The following NRG3 variants were observed in gnomAD, a reference collection of about 807,000 sequenced individuals.
The protein encoded by NRG3 is pro-neuregulin-3, membrane-bound isoform.
In NRG3, 31 loss-of-function variants were observed where a neutral mutation model predicts 66.9. That is an observed-to-expected ratio of 0.46 (90% CI 0.35 to 0.63). The LOEUF (loss-of-function observed/expected upper bound fraction) is 0.63, where lower values mean the gene tolerates loss of function less well. Among genes scored for constraint, NRG3 ranks in the 20% least tolerant of loss-of-function variants. The pLI, the probability that NRG3 is intolerant of heterozygous loss-of-function variation, is 0.00. For missense variants in NRG3, 910 were observed against 878.9 expected (o/e 1.04, Z -0.45); for synonymous variants, 393 against 359.4 (o/e 1.09, Z -1.06).
At chr10:82,780,249 G>T (rs977204183) in intron 3 of NRG3, among the ~76,000 whole-genome samples, 1 of 152,034 alleles carries the variant, frequency 6.6e-6, no homozygotes, top group East Asian at 1.9e-4. Context: ...TAATGGGATT[G>T]CTGGGTTAAA....
chr10:81,967,694 A>G (rs1025357500), intron 1 of NRG3, among the ~76,000 whole-genome samples: 3 of 152,120 alleles, frequency 2.0e-5, no homozygotes, highest in Non-Finnish European at 4.4e-5. Context: ...TGGAAGCTAA[A>G]TTTTTAGTTC....
In NRG3 at chr10:82,027,407, C is replaced by G. The variant is rs527485592; in HGVS notation, c.823+151244C>G. Among the ~76,000 whole-genome samples, 35 of 152,062 alleles carry G rather than the reference C, an allele frequency of 2.3e-4. 2 individuals carry two copies. The South Asian group carries it at 7.3e-3, about 32-fold the overall frequency. On this transcript the variant is annotated intron_variant, in intron 1 of 8. Transcript: ENST00000372141. The stretch of plus-strand genomic sequence containing the variant: ...GCCTACTTTAGACCCTTATGTTATT[C>G]TGAGTTTTTTTCTTCTCCAGGGAAA...
chr10:82,979,450 C>A (rs1852620309), intron 8 of NRG3, among the ~76,000 whole-genome samples: 1 of 152,122 alleles, frequency 6.6e-6, no homozygotes, highest in African/African-American at 2.4e-5. Flanking sequence ...TAAAGTGTTC[C>A]TTCATCTGCA....
chr10:82,558,170 A>G (rs1050515951), intron 2 of NRG3, among the ~76,000 whole-genome samples: 2 of 152,324 alleles, frequency 1.3e-5, no homozygotes, highest in Middle Eastern at 3.4e-3. Flanking sequence ...AGGCACTTCG[A>G]GACTTTCATG....
intron 4 of NRG3, among the ~76,000 whole-genome samples, chr10:82,882,210 A>G (rs1267544484): frequency 6.6e-6 from 1 of 152,114 alleles, no homozygotes; most frequent in Non-Finnish European, 1.5e-5. Flanking sequence ...TATGTGTTCT[A>G]CTGTAACTTT....
At chr10:82,268,097 G>A (rs945431911) in intron 1 of NRG3, among the ~76,000 whole-genome samples, 1 of 152,080 alleles carries the variant, frequency 6.6e-6, no homozygotes, top group Non-Finnish European at 1.5e-5. Context: ...CTTCCCACAC[G>A]TTCTTCTAGA....
intron 2 of NRG3, among the ~76,000 whole-genome samples, chr10:82,583,969 T>C (rs1187805763): frequency 6.6e-6 from 1 of 152,128 alleles, no homozygotes; most frequent in Non-Finnish European, 1.5e-5. Flanking sequence ...CCCTTATTTA[T>C]AAAATAAGGA....
intron 1 of NRG3, among the ~76,000 whole-genome samples, chr10:81,989,224 G>A (rs553884229): frequency 6.6e-6 from 1 of 152,114 alleles, no homozygotes; most frequent in Admixed American, 6.6e-5. Flanking sequence ...GAAAATTAAG[G>A]GTTCTGTTGG....
At chr10:82,317,163 A>C (rs960975559) in intron 1 of NRG3, among the ~76,000 whole-genome samples, 1 of 152,130 alleles carries the variant, frequency 6.6e-6, no homozygotes, top group African/African-American at 2.4e-5. Context: ...AGATTACAGA[A>C]GACAGAGATT....
chr10:82,366,571 C>T (rs1238610017), intron 2 of NRG3, among the ~76,000 whole-genome samples: 1 of 152,012 alleles, frequency 6.6e-6, no homozygotes, highest in Non-Finnish European at 1.5e-5. Context: ...ATTATTTTTC[C>T]TTTCCTACTT....
intron 1 of NRG3, among the ~76,000 whole-genome samples, chr10:82,215,814 T>TTTGATAAC (rs1437321452): frequency 2.6e-5 from 4 of 152,106 alleles, no homozygotes; most frequent in African/African-American, 9.7e-5. Context: ...TTTTATGCAA[T>TTTGATAAC]TTGATAATTA....
chr10:82,509,053 T>C (rs1333636557), intron 2 of NRG3, among the ~76,000 whole-genome samples: 1 of 152,182 alleles, frequency 6.6e-6, no homozygotes, highest in Non-Finnish European at 1.5e-5. Context: ...TACTAATTAC[T>C]ATCACAGAGT....
intron 1 of NRG3, among the ~76,000 whole-genome samples, chr10:81,932,501 C>G (rs1174284820): frequency 6.6e-6 from 1 of 152,118 alleles, no homozygotes; most frequent in Non-Finnish European, 1.5e-5. Flanking sequence ...TATTTCAAAA[C>G]CATTTCTGAA....
chr10:81,939,230 A>G (rs919363055), intron 1 of NRG3, among the ~76,000 whole-genome samples: 16 of 151,832 alleles, frequency 1.1e-4, no homozygotes, highest in Admixed American at 3.9e-4. Flanking sequence ...CTATAGTTTT[A>G]TTTTATGGTA....
At chr10:82,055,439 TGC>T (rs2063794685) in intron 1 of NRG3, among the ~76,000 whole-genome samples, 1 of 145,036 alleles carries the variant, frequency 6.9e-6, no homozygotes, top group African/African-American at 2.6e-5. Context: ...ATTGCACCAC[TGC>T]CCTCCAGCCT....
chr10:82,810,712 A>G (rs1275912535), intron 3 of NRG3, among the ~76,000 whole-genome samples: 1 of 150,226 alleles, frequency 6.7e-6, no homozygotes, highest in Non-Finnish European at 1.5e-5. Flanking sequence ...GTGGTGAGCC[A>G]AGATCGCACC....
intron 2 of NRG3, among the ~76,000 whole-genome samples, chr10:82,728,222 G>C (rs913459688): frequency 1.3e-5 from 2 of 152,142 alleles, no homozygotes; most frequent in Admixed American, 6.5e-5. Flanking sequence ...TTTTGGTTTT[G>C]AAATGTGAGG....
chr10:82,054,041 G>A (rs968597276), intron 1 of NRG3, among the ~76,000 whole-genome samples: 20 of 152,146 alleles, frequency 1.3e-4, no homozygotes, highest in Non-Finnish European at 1.8e-4. Flanking sequence ...ATATGAGGTC[G>A]GAGAAGTAAT....
intron 1 of NRG3, among the ~76,000 whole-genome samples, chr10:81,882,653 G>A (rs1465187676): frequency 6.6e-6 from 1 of 152,146 alleles, no homozygotes; most frequent in Non-Finnish European, 1.5e-5. Context: ...CAAGTGAAAT[G>A]GGAAGTAGAT....
Sources: gnomAD v4.1 joint callset for allele counts (sites outside exome capture counted in the v4.1 genomes callset) on GRCh38, gnomAD v4.1.1 for gene constraint, MANE v1.5 for transcripts, NCBI Gene and HGNC (gene_info 2026-07-23, HGNC 2026-07-21) for gene names.